SYNE2: variants seen among roughly 807,000 people sequenced by gnomAD.
The protein encoded by SYNE2 is nesprin-2.
In SYNE2, 431 loss-of-function variants were observed where a neutral mutation model predicts 856.3. The observed-to-expected ratio is 0.50, with a 90% CI of 0.47 to 0.55. SYNE2 has a LOEUF of 0.55. Among genes scored for constraint, SYNE2 ranks in the 20% least tolerant of loss-of-function variants. The pLI, the probability that SYNE2 is intolerant of heterozygous loss-of-function variation, is 0.00. For synonymous variants in SYNE2, 2,923 were observed against 2,872.3 expected (o/e 1.02, Z -0.56); for missense variants, 8,129 against 8,023.2 (o/e 1.01, Z -0.50).
rs1423909712 is a variant in SYNE2 at position 64,141,434 on chromosome 14, G to C, written c.15070G>C (p.Ala5024Pro). The C allele has an allele frequency of 6.2e-7, 1 of 1,613,968 alleles. No homozygotes were observed. The highest frequency in any genetic ancestry group is 8.5e-7 in the Non-Finnish European group (1 of 1,179,998). Reference protein sequence around the residue: ...QLLHLKETDTATLRASLAQFE... With the variant: ...QLLHLKETDTPTLRASLAQFE... ...TCTTCACCTGAAAGAAACTGATACA[G>C]CTACACTGAGAGCTTCTTTAGCACA... is the stretch of plus-strand genomic sequence containing the variant. The change falls in exon 81 of 116, where the codon GCT (alanine) becomes CCT (proline). Residue 5024 changes from alanine (A) to proline (P), a missense_variant. This residue lies in a region of SYNE2 where 5,410 missense variants were observed against 5,284.8 expected (regional missense o/e 1.02). Coordinates refer to ENST00000555002, the MANE Select transcript of SYNE2 (RefSeq NM_182914.3).
intron 56 of SYNE2, 37 bp from the exon 57 acceptor site, chr14:64,081,406 G>T: frequency 6.2e-7 from 1 of 1,613,806 alleles, no homozygotes; most frequent in Non-Finnish European, 8.5e-7. Context: ...CCAGTAAAAG[G>T]CATCTGACTA....
rs369350235 is a variant in SYNE2, at chr14:64,052,320, G to A, written c.8407G>A (p.Asp2803Asn). The stretch of plus-strand genomic sequence containing the variant: ...TAGCCTTACAACCTATGAGGGCAGT[G>A]ATTTAAATAATACCCTAGAGGACTT... Reference protein sequence around the residue: ...VPSLTTYEGSDLNNTLEDLRN... With the variant: ...VPSLTTYEGSNLNNTLEDLRN... The change falls in exon 48 of 116, where the codon GAT becomes AAT. Residue 2803 changes from aspartate (D) to asparagine (N), a missense_variant. Physicochemically the swap from Asp to Asn is conservative, Grantham distance 23. Transcript: ENST00000555002. 41 of 1,614,156 alleles carry A rather than the reference G, an allele frequency of 2.5e-5. 1 individual carries two copies. In the Middle Eastern group the frequency reaches 6.6e-4, roughly 26 times the overall value.
chr14:64,107,989 T>C (rs1311048710), intron 65 of SYNE2, among the ~76,000 whole-genome samples: 2 of 152,230 alleles, frequency 1.3e-5, no homozygotes, highest in African/African-American at 4.8e-5. Flanking sequence ...ACCCTCAGAC[T>C]GTATAAGGTA....
At chr14:64,044,576 G>T (rs1279400479) in intron 45 of SYNE2, among the ~76,000 whole-genome samples, 1 of 152,154 alleles carries the variant, frequency 6.6e-6, no homozygotes, top group Non-Finnish European at 1.5e-5. Context: ...TGGTTTGGCT[G>T]TGTCCCCACC....
intron 1 of SYNE2, among the ~76,000 whole-genome samples, chr14:63,871,517 T>G (rs998156242): frequency 6.6e-6 from 1 of 151,626 alleles, no homozygotes; most frequent in Non-Finnish European, 1.5e-5. Context: ...GAGATTTGAA[T>G]TTTTTAAAAA....
chr14:63,809,067 A>G (rs11848677), intron 1 of SYNE2, among the ~76,000 whole-genome samples: 96,183 of 152,024 alleles, frequency 0.63, 30,905 homozygotes, highest in South Asian at 0.77. Context: ...CCCGGAGGTC[A>G]CACTGAACTT....
chr14:64,126,565 C>T, intron 72 of SYNE2, 33 bp from the exon 73 acceptor site: 5 of 1,614,138 alleles, frequency 3.1e-6, no homozygotes, highest in Non-Finnish European at 2.5e-6. Flanking sequence ...GAGGTCAGAG[C>T]TCATTCATTG....
chr14:63,824,908 C>A (rs965018559), intron 1 of SYNE2, among the ~76,000 whole-genome samples: 1 of 151,756 alleles, frequency 6.6e-6, no homozygotes, highest in East Asian at 2.0e-4. Context: ...CCAAGGTGGG[C>A]GGATCGCGAG....
At chr14:63,918,120 C>T (rs565624645) in intron 2 of SYNE2, among the ~76,000 whole-genome samples, 2 of 152,006 alleles carry the variant, frequency 1.3e-5, no homozygotes, top group South Asian at 2.1e-4. Context: ...CCATGTATGT[C>T]GGGTGGGGGT....
At chr14:64,178,501 A>G (rs2098444362) in intron 96 of SYNE2, among the ~76,000 whole-genome samples, 1 of 152,180 alleles carries the variant, frequency 6.6e-6, no homozygotes, top group Admixed American at 6.5e-5. Flanking sequence ...TCTGTCTTCC[A>G]GGCTAGAGTG....
At chr14:64,187,874 G>A (rs148738141) in intron 97 of SYNE2, among the ~76,000 whole-genome samples, 2 of 152,276 alleles carry the variant, frequency 1.3e-5, no homozygotes, top group African/African-American at 4.8e-5. Flanking sequence ...CTTTAAGGAG[G>A]AGGACCCTTA....
intron 56 of SYNE2, 34 bp downstream of exon 56, chr14:64,080,672 G>A: frequency 6.2e-7 from 1 of 1,609,296 alleles, no homozygotes; most frequent in Non-Finnish European, 8.5e-7. Flanking sequence ...TTCATATCAT[G>A]TGGTGGTATT....
chr14:64,036,363 T>C (rs2097090507), intron 45 of SYNE2, among the ~76,000 whole-genome samples: 1 of 152,176 alleles, frequency 6.6e-6, no homozygotes, highest in Non-Finnish European at 1.5e-5. Flanking sequence ...CTTGGCTCAC[T>C]GCAACCTCTG....
rs139409828 is a variant in SYNE2, at chr14:64,165,920, C to T, written c.16605+510C>T. ...ATAGGGATCTCTTTTAGTAATACGT[C>T]AGAGTAATTTGTAGTAGATGTTTTT... On this transcript the variant is annotated intron_variant, in intron 90 of 115. Coordinates refer to ENST00000555002, the MANE Select transcript of SYNE2 (RefSeq NM_182914.3). 1.0e-3 allele frequency among the ~76,000 whole-genome samples: 154 copies of T among 152,228 alleles called. 5 individuals are homozygous for T. In the East Asian group the frequency reaches 0.026, roughly 26 times the overall value.
At chr14:63,868,502 T>C (rs924746816) in intron 1 of SYNE2, among the ~76,000 whole-genome samples, 1 of 151,468 alleles carries the variant, frequency 6.6e-6, no homozygotes, top group Non-Finnish European at 1.5e-5. Flanking sequence ...AGAACCCATA[T>C]TGATGAAATC....
Position 64,146,169 on chromosome 14 carries a change from T to A in SYNE2, c.15585T>A (p.Thr5195=). 3 of 1,612,778 alleles carry A rather than the reference T, an allele frequency of 1.9e-6. No homozygotes were observed. The highest frequency in any genetic ancestry group is 2.5e-6 in the Non-Finnish European group (3 of 1,179,558). ...AAGCACAAGAAGAGAGACTGAAAAC[T>A]TTACAAAAACCTGAAAGTGTGATCT... ...WLEAQEERLK[T]LQKPESVISV... Residue 5195 remains threonine (T), a synonymous_variant, in exon 84 of 116, where the codon ACT becomes ACA. Transcript: ENST00000555002.
chr14:63,891,258 G>T (rs986878212), intron 1 of SYNE2, among the ~76,000 whole-genome samples: 1 of 152,198 alleles, frequency 6.6e-6, no homozygotes, highest in Non-Finnish European at 1.5e-5. Flanking sequence ...ACTTACGTAG[G>T]CATGAAAGTT....
intron 45 of SYNE2, among the ~76,000 whole-genome samples, chr14:64,046,765 A>G (rs1567146115): frequency 6.6e-6 from 1 of 152,228 alleles, no homozygotes; most frequent in Non-Finnish European, 1.5e-5. Context: ...GAGGGAGCAC[A>G]TGAGCAAGTG....
chr14:64,219,186 A>G (rs749418464), intron 109 of SYNE2, 22 bp from the exon 110 acceptor site: 11 of 1,579,784 alleles, frequency 7.0e-6, no homozygotes, highest in South Asian at 1.1e-5. Flanking sequence ...GCTTTTTTTA[A>G]TTGGCGATTT....
Sources: allele counts gnomAD v4.1 joint callset (sites outside exome capture counted in the v4.1 genomes callset), GRCh38; gene constraint gnomAD v4.1.1; regional missense constraint gnomAD v4.1.1; transcripts MANE v1.5; gene names NCBI Gene and HGNC (gene_info 2026-07-23, HGNC 2026-07-21).